Variants in NUDT3 observed in about 807,000 individuals in gnomAD.
NUDT3 encodes the protein diphosphoinositol polyphosphate phosphohydrolase 1.
A neutral mutation model predicts 23.6 loss-of-function variants in NUDT3; 9 were observed. The ratio of observed to expected loss-of-function variants is 0.38; its 90% CI spans 0.23 to 0.66. The LOEUF is 0.66. Ranked by LOEUF, NUDT3 falls within the 30% of genes least tolerant of loss-of-function variation. The pLI is 0.52. For missense variants in NUDT3, 172 were observed against 218.5 expected, an observed-to-expected ratio of 0.79 and a Z score of 1.34; for synonymous variants, 86 against 82.6, an observed-to-expected ratio of 1.04 and a Z score of -0.22.
chr6:34,314,207 G>A (rs1427242904), intron 2 of NUDT3, among the ~76,000 whole-genome samples: 2 of 152,028 alleles, frequency 1.3e-5, no homozygotes, highest in Non-Finnish European at 2.9e-5. Context: ...TGGATCACTT[G>A]AGGCCAGGAG....
chr6:34,341,879 G>C lies in NUDT3; in HGVS notation c.193C>G (p.Arg65Gly). The C allele has an allele frequency of 6.2e-7, 1 of 1,613,906 alleles. No homozygotes were observed. Among genetic ancestry groups the C allele is most frequent in the Non-Finnish European group, 8.5e-7 (1 of 1,179,888 alleles). The change falls in exon 2 of 5, where the codon CGT becomes GGT. Residue 65 changes from arginine to glycine, a missense_variant. Physicochemically the swap from Arg to Gly is moderately radical, Grantham distance 125. Transcript: ENST00000607016. ...ATGCATACCTCCTCACAGACTTCAC[G>C]AACTGCTGCCACACTTGGCTCCTCC... is the stretch of plus-strand genomic sequence containing the variant. The part of the protein sequence containing the change: ...PEEEPSVAAV[R>G]EVCEEAGVKG...
chr6:34,319,144 G>C (rs924870146), intron 2 of NUDT3, among the ~76,000 whole-genome samples: 1 of 152,062 alleles, frequency 6.6e-6, no homozygotes, highest in Admixed American at 6.5e-5. Flanking sequence ...AACACAGAAG[G>C]CTTCTGTAAC....
intron 2 of NUDT3, among the ~76,000 whole-genome samples, chr6:34,330,261 C>T (rs1361247461): frequency 6.6e-6 from 1 of 152,164 alleles, no homozygotes; most frequent in East Asian, 1.9e-4. Flanking sequence ...TTTACAGTCC[C>T]ACCAACAGTG....
chr6:34,313,016 A>G (rs1763798592), intron 2 of NUDT3, among the ~76,000 whole-genome samples: 1 of 151,942 alleles, frequency 6.6e-6, no homozygotes, highest in African/African-American at 2.4e-5. Context: ...AAACTACAAA[A>G]ATTAGCTGGG....
intron 2 of NUDT3, among the ~76,000 whole-genome samples, chr6:34,340,411 C>T (rs1432578610): frequency 6.6e-6 from 1 of 152,218 alleles, no homozygotes; most frequent in Non-Finnish European, 1.5e-5. Context: ...CCCCTCCCCT[C>T]CCTCCATGAT....
intron 2 of NUDT3, among the ~76,000 whole-genome samples, chr6:34,314,815 T>G (rs1763834471): frequency 6.6e-6 from 1 of 152,154 alleles, no homozygotes; most frequent in Non-Finnish European, 1.5e-5. Context: ...ACCTAGCATT[T>G]GAGTTCTTAC....
intron 1 of NUDT3, among the ~76,000 whole-genome samples, chr6:34,376,653 A>G (rs1267563009): frequency 6.6e-6 from 1 of 152,040 alleles, no homozygotes; most frequent in Non-Finnish European, 1.5e-5. Flanking sequence ...ACTTCATTCC[A>G]TTCTGCTGCT....
chr6:34,301,864 C>T (rs935597815), intron 2 of NUDT3, among the ~76,000 whole-genome samples: 3 of 152,204 alleles, frequency 2.0e-5, no homozygotes, highest in Non-Finnish European at 4.4e-5. Flanking sequence ...TTTCCCTCCC[C>T]ACTTCTGGGT....
At chr6:34,330,615 G>A (rs1331228206) in intron 2 of NUDT3, among the ~76,000 whole-genome samples, 1 of 151,964 alleles carries the variant, frequency 6.6e-6, no homozygotes. Context: ...TGGGCAACAT[G>A]GTGGAACCCC....
In NUDT3 at chr6:34,290,791, G is replaced by GATT. The variant is rs534620493; in HGVS notation, c.341-1863_341-1861dup. 8.4e-3 allele frequency among the ~76,000 whole-genome samples: 1,240 copies of GATT among 148,024 alleles called. 10 individuals carry two copies. The highest frequency in any genetic ancestry group is 0.023 in the African/African-American group (909 of 39,762). ...ATATCACTGGACATCAATTGTCTGT[G>GATT]ATTATTATTATTATTATTATTGAGA... On this transcript the variant is annotated intron_variant, in intron 4 of 4. Coordinates refer to ENST00000607016, the MANE Select transcript of NUDT3 (RefSeq NM_006703.4).
chr6:34,339,384 A>C (rs1764256103), intron 2 of NUDT3, among the ~76,000 whole-genome samples: 1 of 152,246 alleles, frequency 6.6e-6, no homozygotes, highest in South Asian at 2.1e-4. Flanking sequence ...ATTTCTCTCC[A>C]CAAGATCCAT....
chr6:34,388,388 T>A (rs1019196631), intron 1 of NUDT3, among the ~76,000 whole-genome samples: 1 of 152,228 alleles, frequency 6.6e-6, no homozygotes, highest in African/African-American at 2.4e-5. Flanking sequence ...ACTGTATTAA[T>A]GCTAATAATA....
chr6:34,303,847 T>G lies in NUDT3; in HGVS notation c.211-8162A>C, dbSNP rs369504009. Among the ~76,000 whole-genome samples, 170 of 152,304 alleles carry G rather than the reference T, an allele frequency of 1.1e-3. 5 individuals carry two copies. Among genetic ancestry groups the G allele is most frequent in the South Asian group, 1.7e-3 (8 of 4,828 alleles). On this transcript the variant is annotated intron_variant, in intron 2 of 4. Transcript: ENST00000607016. ...ACTGGAACATAGCTGTGTCATTCGT[T>G]TAAGTATTGTCTACGGCTGCTTTCA...
In NUDT3 at chr6:34,283,008, G is replaced by A. The variant is rs1051028381; in HGVS notation, c.*5745C>T. On this transcript the variant is annotated 3_prime_UTR_variant, in exon 5 of 5. Transcript: ENST00000607016. ...GGTTCCCTATAAGCTCCCCTCCCCA[G>A]GTGGACAGTCTTATTTTCTAAGACA... is the stretch of plus-strand genomic sequence containing the variant. 1 of 152,076 alleles carries A rather than the reference G, an allele frequency of 6.6e-6. No homozygotes were observed. Among genetic ancestry groups the A allele is most frequent in the Non-Finnish European group, 1.5e-5 (1 of 68,020 alleles). The allele number at this position is 152,076 out of a possible 1,614,324, so 9.4% of individuals were successfully genotyped here.
chr6:34,386,209 A>G (rs921804979), intron 1 of NUDT3, among the ~76,000 whole-genome samples: 5 of 152,308 alleles, frequency 3.3e-5, no homozygotes, highest in East Asian at 3.9e-4. Flanking sequence ...AAGAAACTGT[A>G]TATCAGGTTC....
chr6:34,297,738 TA>T (rs1763529493), intron 2 of NUDT3, among the ~76,000 whole-genome samples: 2 of 97,968 alleles, frequency 2.0e-5, no homozygotes, highest in Non-Finnish European at 3.7e-5. Context: ...AAAATATATA[TA>T]TATATATATA....
At chr6:34,292,335 T>C (rs1328159681) in intron 4 of NUDT3, among the ~76,000 whole-genome samples, 2 of 152,152 alleles carry the variant, frequency 1.3e-5, no homozygotes, top group African/African-American at 2.4e-5. Context: ...AGTGAGAATG[T>C]TGGCAAATAA....
intron 1 of NUDT3, among the ~76,000 whole-genome samples, chr6:34,390,013 T>C (rs913368952): frequency 1.3e-5 from 2 of 149,436 alleles, no homozygotes; most frequent in African/African-American, 4.9e-5. Context: ...GGCAGGTGCC[T>C]GTAATCCCAG....
intron 1 of NUDT3, among the ~76,000 whole-genome samples, chr6:34,381,764 A>G (rs206919): frequency 0.33 from 49,633 of 151,916 alleles, 9,744 homozygotes; most frequent in African/African-American, 0.51. Flanking sequence ...TTTCTGCAAA[A>G]AGGAAGCAAA....
Sources: allele counts gnomAD v4.1 joint callset (sites outside exome capture counted in the v4.1 genomes callset), GRCh38; gene constraint gnomAD v4.1.1; transcripts MANE v1.5; gene names NCBI Gene and HGNC (gene_info 2026-07-23, HGNC 2026-07-21).